Variants in ANXA9 observed in about 807,000 individuals in gnomAD.
ANXA9 encodes the protein annexin A9.
A neutral mutation model predicts 51.8 loss-of-function variants in ANXA9; 47 were observed. The ratio of observed to expected loss-of-function variants is 0.91; its 90% CI spans 0.72 to 1.16. The LOEUF (loss-of-function observed/expected upper bound fraction) is 1.16, where lower values mean the gene tolerates loss of function less well. Ranked by LOEUF, ANXA9 falls within the 50% of genes most tolerant of loss-of-function variation. The pLI, the probability that ANXA9 is intolerant of heterozygous loss-of-function variation, is 0.00. For synonymous variants in ANXA9, 154 were observed against 168.7 expected (o/e 0.91, Z 0.68); for missense variants, 361 against 424.7 (o/e 0.85, Z 1.32).
In ANXA9 at chr1:150,989,567, T is replaced by G. The variant is rs187194601; in HGVS notation, c.852+1226T>G. On this transcript the variant is annotated intron_variant, in intron 12 of 13. Transcript: ENST00000368947. ...TTAGCCAGGCATGGTGGCAGGCACC[T>G]GTAATTCCAGCTACTTGGGAGTCTG... is the stretch of plus-strand genomic sequence containing the variant. 3.9e-5 allele frequency among the ~76,000 whole-genome samples: 6 copies of G among 152,110 alleles called. No homozygotes were observed. In the East Asian group the frequency reaches 1.2e-3, roughly 30 times the overall value.
Position 150,995,309 on chromosome 1 carries a change from CTGAAGA to C in ANXA9, c.1026_1031del (p.Glu343_Asp344del). On this transcript the variant is annotated inframe_deletion, in exon 14 of 14. Transcript: ENST00000368947. Reference sequence around the variant, plus strand: ...TCAGCCCTCCTGGCCTTGTGCAGGGCTGAAGACATGTGAGACTTCCCTGCCCCACCC... The same window carrying C: ...TCAGCCCTCCTGGCCTTGTGCAGGGCCATGTGAGACTTCCCTGCCCCACCC... 7 of 1,609,224 alleles carry C rather than the reference CTGAAGA, an allele frequency of 4.3e-6. No homozygotes were observed. Among genetic ancestry groups the C allele is most frequent in the Non-Finnish European group, 5.9e-6 (7 of 1,177,666 alleles).
intron 4 of ANXA9, among the ~76,000 whole-genome samples, chr1:150,983,689 G>T (rs1222439437): frequency 6.6e-6 from 1 of 152,164 alleles, no homozygotes; most frequent in African/African-American, 2.4e-5. Context: ...AGGTCACTCA[G>T]CTCATGACGG....
intron 12 of ANXA9, among the ~76,000 whole-genome samples, chr1:150,990,919 C>T (rs1341521109): frequency 1.3e-5 from 2 of 151,916 alleles, no homozygotes; most frequent in East Asian, 1.9e-4. Context: ...CCAAGGCGGG[C>T]GGATCACGAG....
intron 7 of ANXA9, among the ~76,000 whole-genome samples, chr1:150,986,089 T>G (rs1194864766): frequency 6.6e-6 from 1 of 152,148 alleles, no homozygotes; most frequent in African/African-American, 2.4e-5. Flanking sequence ...TAATAATGGT[T>G]GCCTCCTGCC....
rs761005379 is a variant in ANXA9, at chr1:150,995,346, G to A, written c.*24G>A. 6.3e-7 allele frequency: 1 copy of A among 1,581,470 alleles called. No homozygotes were observed. The highest frequency in any genetic ancestry group is 1.4e-5 in the African/African-American group (1 of 73,650). ...GAGACTTCCCTGCCCCACCCCACAT[G>A]ACATCCGAGGATCTGAGATTTCCGT... On this transcript the variant is annotated 3_prime_UTR_variant, in exon 14 of 14. Transcript: ENST00000368947.
intron 12 of ANXA9, among the ~76,000 whole-genome samples, chr1:150,991,339 C>A (rs957894916): frequency 6.6e-5 from 10 of 150,528 alleles, no homozygotes; most frequent in Non-Finnish European, 1.5e-4. Flanking sequence ...CGAGTTCAAG[C>A]GATTCTTCTG....
Position 150,984,357 on chromosome 1 carries a change from C to G in ANXA9, c.344C>G (p.Ala115Gly). The change falls in exon 6 of 14, where the codon GCC becomes GGC. Residue 115 changes from alanine to glycine, a missense_variant. By Grantham distance (60) the Ala-to-Gly change is moderately conservative. Coordinates refer to ENST00000368947, the MANE Select transcript of ANXA9 (RefSeq NM_003568.3). ...RIVMALLQPT[A>G]QFDAQELRTA... ...GTGATGGCTCTGCTGCAGCCCACAG[C>G]CCAGTTTGACGCCCAGGAATTGAGG... The G allele has an allele frequency of 6.2e-7, 1 of 1,614,158 alleles. No homozygotes were observed. The highest frequency in any genetic ancestry group is 8.5e-7 in the Non-Finnish European group (1 of 1,180,028).
At chr1:150,993,644 T>G (rs1470538850) in intron 12 of ANXA9, among the ~76,000 whole-genome samples, 1 of 148,264 alleles carries the variant, frequency 6.7e-6, no homozygotes, top group Non-Finnish European at 1.5e-5. Flanking sequence ...TTTTTTTTTT[T>G]TTTTTTTGAG....
At chr1:150,984,948 G>C (rs587683060) in intron 7 of ANXA9, among the ~76,000 whole-genome samples, 1 of 151,948 alleles carries the variant, frequency 6.6e-6, no homozygotes, top group Non-Finnish European at 1.5e-5. Flanking sequence ...GGTCACTTGA[G>C]CCCAGGAGTT....
At chr1:150,978,634 G>A (rs1444972093), upstream of ANXA9, among the ~76,000 whole-genome samples, 2 of 152,022 alleles carry the variant, frequency 1.3e-5, no homozygotes, top group African/African-American at 2.4e-5. Context: ...CATGGCCTCG[G>A]GAAGTCACTC....
At chr1:150,992,513 C>T (rs1671731189) in intron 12 of ANXA9, among the ~76,000 whole-genome samples, 1 of 152,092 alleles carries the variant, frequency 6.6e-6, no homozygotes, top group African/African-American at 2.4e-5. Flanking sequence ...CGCACCACTG[C>T]ACCCCAGCCT....
chr1:150,992,764 C>T (rs12044969), intron 12 of ANXA9, among the ~76,000 whole-genome samples: 19,981 of 152,070 alleles, frequency 0.13, 1,798 homozygotes, highest in African/African-American at 0.25. Context: ...GCTGAATTCA[C>T]GCCACTGCAT....
chr1:150,995,522 C>A lies in ANXA9; in HGVS notation c.*200C>A. 1 of 500,600 alleles carries A rather than the reference C, an allele frequency of 2.0e-6. No homozygotes were observed. 31.0% of individuals were successfully genotyped at this position (500,600 alleles called of 1,614,324 possible). A position where few individuals can be genotyped will look rare whatever the true frequency, so the allele number is the denominator to read the frequency against. On this transcript the variant is annotated 3_prime_UTR_variant, in exon 14 of 14. Coordinates refer to ENST00000368947, the MANE Select transcript of ANXA9 (RefSeq NM_003568.3). ...AAAATTATATCTGTACCTGGGTCAT[C>A]CAGCTCCTTCTTGGGTGTGGGGAAA...
chr1:150,986,784 G>A, intron 9 of ANXA9, 123 bp downstream of exon 9: 2 of 988,384 alleles, frequency 2.0e-6, no homozygotes, highest in South Asian at 3.5e-5. Context: ...GCCTTGGAGA[G>A]GGAGTTCTCA....
intron 12 of ANXA9, among the ~76,000 whole-genome samples, chr1:150,993,113 G>A (rs1270582943): frequency 6.6e-6 from 1 of 151,784 alleles, no homozygotes; most frequent in African/African-American, 2.4e-5. Flanking sequence ...TCTGGGAAGA[G>A]TCTTGTGAGT....
Position 150,985,797 on chromosome 1 carries a change from G to A in ANXA9, c.473-539G>A, listed in dbSNP as rs143233834. Among the ~76,000 whole-genome samples the A allele has an allele frequency of 3.9e-3, 586 of 152,138 alleles. 1 individual carries two copies. The highest frequency in any genetic ancestry group is 0.013 in the African/African-American group (537 of 41,494). The stretch of plus-strand genomic sequence containing the variant: ...TGTCCAGGCTGGTCTCGAACTTCTG[G>A]GCTCAAGCCATCTCCTGCCTCAGCC... On this transcript the variant is annotated intron_variant, in intron 7 of 13. Coordinates refer to ENST00000368947, the MANE Select transcript of ANXA9 (RefSeq NM_003568.3).
chr1:150,985,691 T>C (rs185508385), intron 7 of ANXA9, among the ~76,000 whole-genome samples: 1 of 152,186 alleles, frequency 6.6e-6, no homozygotes, highest in Non-Finnish European at 1.5e-5. Flanking sequence ...CTCAGCCTCC[T>C]AAGTAGCTGG....
chr1:150,989,099 C>G (rs1477460796), intron 12 of ANXA9, among the ~76,000 whole-genome samples: 1 of 151,986 alleles, frequency 6.6e-6, no homozygotes, highest in Non-Finnish European at 1.5e-5. Context: ...CCTGCCTCAG[C>G]CTCCCAAATA....
intron 8 of ANXA9, 82 bp downstream of exon 8, chr1:150,986,497 G>A: frequency 1.3e-6 from 2 of 1,571,622 alleles, no homozygotes; most frequent in Non-Finnish European, 1.8e-6. Flanking sequence ...TTGCTGTCCT[G>A]TAATGGACAA....
Sources: gnomAD v4.1 joint callset for allele counts (sites outside exome capture counted in the v4.1 genomes callset) on GRCh38, gnomAD v4.1.1 for gene constraint, MANE v1.5 for transcripts, NCBI Gene and HGNC (gene_info 2026-07-23, HGNC 2026-07-21) for gene names.